Variants in USP10 observed in about 807,000 individuals in gnomAD.
USP10 encodes the protein ubiquitin specific peptidase 10.
In USP10, 22 loss-of-function variants were observed where a neutral mutation model predicts 84.5. The observed-to-expected ratio is 0.26, with a 90% confidence interval of 0.19 to 0.37. The LOEUF is 0.37. USP10 is among the 10% of genes least tolerant of loss of function. The pLI is 1.00. For missense variants in USP10, 1,019 were observed against 998.9 expected, an observed-to-expected ratio of 1.02 and a Z score of -0.27; for synonymous variants, 454 against 387.6, an observed-to-expected ratio of 1.17 and a Z score of -2.01.
chr16:84,769,796 C>T (rs891830292), intron 11 of USP10, among the ~76,000 whole-genome samples: 5 of 151,964 alleles, frequency 3.3e-5, no homozygotes, highest in African/African-American at 1.2e-4. Context: ...TCTTTTGCTT[C>T]TGCTGCAATT....
At chr16:84,740,103 T>C (rs1054178178) in intron 2 of USP10, among the ~76,000 whole-genome samples, 1 of 152,242 alleles carries the variant, frequency 6.6e-6, no homozygotes, top group African/African-American at 2.4e-5. Context: ...GTGATAAATA[T>C]TTGAAAGCAT....
At chr16:84,749,887 A>G (rs1488890537) in intron 4 of USP10, among the ~76,000 whole-genome samples, 1 of 152,158 alleles carries the variant, frequency 6.6e-6, no homozygotes, top group Non-Finnish European at 1.5e-5. Context: ...ATGTGTCAAC[A>G]TTTTGTTCCA....
intron 2 of USP10, among the ~76,000 whole-genome samples, chr16:84,736,814 A>G (rs1208961237): frequency 6.6e-6 from 1 of 152,048 alleles, no homozygotes; most frequent in Non-Finnish European, 1.5e-5. Flanking sequence ...TTTGAGAGGG[A>G]GTCTCGCTCT....
chr16:84,746,150 G>A (rs1043244790), intron 4 of USP10, among the ~76,000 whole-genome samples: 3 of 121,106 alleles, frequency 2.5e-5, no homozygotes, highest in African/African-American at 1.0e-4. Context: ...ATACACCAAG[G>A]TCAGCTCTTG....
chr16:84,775,402 G>A (rs532823191), intron 13 of USP10, among the ~76,000 whole-genome samples, 177 bp downstream of exon 13: 22 of 152,294 alleles, frequency 1.4e-4, no homozygotes, highest in South Asian at 4.2e-4. Context: ...CGTAGATGAC[G>A]GATTATCATC....
chr16:84,775,993 C>T (rs1478182682), intron 13 of USP10, among the ~76,000 whole-genome samples: 3 of 152,164 alleles, frequency 2.0e-5, no homozygotes, highest in Non-Finnish European at 4.4e-5. Context: ...TCTGTGTCTT[C>T]CCTCCTCTGG....
intron 1 of USP10, among the ~76,000 whole-genome samples, chr16:84,726,294 T>A (rs999610970): frequency 5.9e-5 from 9 of 152,232 alleles, no homozygotes; most frequent in African/African-American, 2.2e-4. Flanking sequence ...GCGGGAGAGC[T>A]GTAGCCAGCA....
chr16:84,727,465 A>AACAC (rs1345828475), intron 1 of USP10, among the ~76,000 whole-genome samples: 3 of 148,828 alleles, frequency 2.0e-5, no homozygotes, highest in African/African-American at 7.7e-5. Flanking sequence ...TAAAAAAACA[A>AACAC]ACAAACAAAC....
chr16:84,776,964 C>T (rs907533935), intron 13 of USP10, among the ~76,000 whole-genome samples: 1 of 152,222 alleles, frequency 6.6e-6, no homozygotes, highest in Non-Finnish European at 1.5e-5. Flanking sequence ...AGCTGTGCAC[C>T]ACCACATCCA....
chr16:84,765,165 A>G (rs1391369017), intron 10 of USP10, among the ~76,000 whole-genome samples: 1 of 151,964 alleles, frequency 6.6e-6, no homozygotes, highest in African/African-American at 2.4e-5. Context: ...AATTGTGTAT[A>G]TTTAAAGTAT....
intron 4 of USP10, among the ~76,000 whole-genome samples, chr16:84,754,099 C>T (rs1912241646): frequency 6.6e-6 from 1 of 152,046 alleles, no homozygotes; most frequent in Admixed American, 6.6e-5. Context: ...CTTTAAGGAG[C>T]CTCCTGTCCA....
chr16:84,725,012 C>G (rs1199032261), intron 1 of USP10, among the ~76,000 whole-genome samples: 1 of 152,168 alleles, frequency 6.6e-6, no homozygotes, highest in African/African-American at 2.4e-5. Context: ...TAAGTACTGA[C>G]CTTTTTTAAA....
intron 1 of USP10, among the ~76,000 whole-genome samples, chr16:84,725,891 G>T (rs1390248210): frequency 6.6e-6 from 1 of 152,176 alleles, no homozygotes; most frequent in African/African-American, 2.4e-5. Context: ...AGCTTATTTG[G>T]ATCAGGAGAA....
intron 2 of USP10, among the ~76,000 whole-genome samples, chr16:84,737,632 C>T (rs567441091): frequency 6.6e-6 from 1 of 152,356 alleles, no homozygotes; most frequent in South Asian, 2.1e-4. Flanking sequence ...GTGGCAGTGT[C>T]ATCTGGGAGT....
chr16:84,710,959 C>T (rs567464191), intron 1 of USP10, among the ~76,000 whole-genome samples: 28 of 152,334 alleles, frequency 1.8e-4, no homozygotes, highest in African/African-American at 6.3e-4. Flanking sequence ...AGTGTTACAT[C>T]TCCAGTCTAG....
At chr16:84,737,789 C>T (rs1367495703) in intron 2 of USP10, among the ~76,000 whole-genome samples, 1 of 152,206 alleles carries the variant, frequency 6.6e-6, no homozygotes, top group African/African-American at 2.4e-5. Flanking sequence ...AGGACCTCCT[C>T]CCCAGAGTTG....
chr16:84,705,890 T>C (rs151088652), intron 1 of USP10, among the ~76,000 whole-genome samples: 4 of 151,974 alleles, frequency 2.6e-5, no homozygotes, highest in African/African-American at 9.7e-5. Context: ...CAGCTAATTT[T>C]TTTGTATTTT....
chr16:84,775,016 T>G (rs2303231), intron 12 of USP10, 144 bp from the exon 13 acceptor site: 39,058 of 684,646 alleles, frequency 0.057, 2,690 homozygotes, highest in Admixed American at 0.23. Flanking sequence ...TCAATTTTTG[T>G]GCAACTGAAG....
chr16:84,712,318 A>AT, intron 1 of USP10, among the ~76,000 whole-genome samples: 1 of 152,294 alleles, frequency 6.6e-6, no homozygotes, highest in South Asian at 2.1e-4. Context: ...ACTGTGCCTT[A>AT]TGCAGAGGCC....
Sources: gnomAD v4.1 joint callset for allele counts (sites outside exome capture counted in the v4.1 genomes callset) on GRCh38, gnomAD v4.1.1 for gene constraint, MANE v1.5 for transcripts, NCBI Gene and HGNC (gene_info 2026-07-23, HGNC 2026-07-21) for gene names.